Variants in HS3ST3B1 observed in about 807,000 individuals in gnomAD.
The protein encoded by HS3ST3B1 is heparan sulfate glucosamine 3-O-sulfotransferase 3B1.
A neutral mutation model predicts 21.3 loss-of-function variants in HS3ST3B1; 13 were observed. The observed-to-expected ratio is 0.61, with a 90% CI of 0.40 to 0.97. The LOEUF is 0.97. Ranked by LOEUF, HS3ST3B1 falls within the 50% of genes least tolerant of loss-of-function variation. The pLI is 0.00. For synonymous variants in HS3ST3B1, 234 were observed against 254.8 expected (o/e 0.92, Z 0.78); for missense variants, 459 against 554.8 (o/e 0.83, Z 1.73).
chr17:14,318,066 G>A (rs1005322), intron 1 of HS3ST3B1, among the ~76,000 whole-genome samples: 62,133 of 151,812 alleles, frequency 0.41, 13,432 homozygotes, highest in Non-Finnish European at 0.49. Context: ...TTGCCCCTGC[G>A]GAATCCACAC....
At chr17:14,322,819 A>C (rs933118314) in intron 1 of HS3ST3B1, among the ~76,000 whole-genome samples, 1 of 151,456 alleles carries the variant, frequency 6.6e-6, no homozygotes, top group African/African-American at 2.4e-5. Flanking sequence ...GGGCTGTGCC[A>C]AGGCTCTTAA....
chr17:14,304,677 C>A, intron 1 of HS3ST3B1: 1 of 152,300 alleles, frequency 6.6e-6, no homozygotes. Context: ...TCCATTGTAC[C>A]TCCGCTCTGT....
Position 14,345,835 on chromosome 17 carries a change from C to A in HS3ST3B1, c.*189C>A. ...TCTGTTAACATTCCAAAGTGTTTAA[C>A]TCTAGTATTTCGTTCTCTTCTTCAC... On this transcript the variant is annotated 3_prime_UTR_variant, in exon 2 of 2. Transcript: ENST00000360954. 1.4e-6 allele frequency: 1 copy of A among 738,272 alleles called. No individual in the cohort carries two copies. The highest frequency in any genetic ancestry group is 2.1e-6 in the Non-Finnish European group (1 of 485,490). 45.7% of individuals were successfully genotyped at this position (738,272 alleles called of 1,614,324 possible). A position where few individuals can be genotyped will look rare whatever the true frequency, so the allele number is the denominator to read the frequency against.
At chr17:14,309,257 C>T (rs919307260) in intron 1 of HS3ST3B1, among the ~76,000 whole-genome samples, 25 of 152,204 alleles carry the variant, frequency 1.6e-4, no homozygotes, top group African/African-American at 5.5e-4. Context: ...GCCTCTGGCC[C>T]GGGGGCCGCT....
chr17:14,314,333 G>A (rs1000641151), intron 1 of HS3ST3B1, among the ~76,000 whole-genome samples: 8 of 152,182 alleles, frequency 5.3e-5, no homozygotes, highest in Non-Finnish European at 8.8e-5. Flanking sequence ...GTACAAATCA[G>A]AAGTGCACAG....
chr17:14,337,326 G>A (rs2001166), intron 1 of HS3ST3B1, among the ~76,000 whole-genome samples: 44,834 of 149,222 alleles, frequency 0.3, 7,077 homozygotes, highest in Middle Eastern at 0.34. Flanking sequence ...ATCTTATCCT[G>A]ATTGGATTTT....
Position 14,318,166 on chromosome 17 carries a change from A to G in HS3ST3B1, c.554+16094A>G, listed in dbSNP as rs566612031. On this transcript the variant is annotated intron_variant, in intron 1 of 1. Transcript: ENST00000360954. ...TTGAAGTACTGAGGGAAAGAGAGCC[A>G]TTCTTCTCCAACTCCCCGCTCGGCT... Among the ~76,000 whole-genome samples the G allele has an allele frequency of 5.9e-5, 9 of 152,144 alleles. No homozygotes were observed. In the East Asian group the frequency reaches 1.6e-3, roughly 26 times the overall value.
In HS3ST3B1 at chr17:14,329,663, A is replaced by C. The variant is rs1909944742; in HGVS notation, c.555-15365A>C. On this transcript the variant is annotated intron_variant, in intron 1 of 1. Transcript: ENST00000360954. ...ATTCATTCAGTGATGTCAACCCCAGAAGGAGACTCAGTTTTTCTTTGTCTC... is the reference window on the plus strand; with the variant it reads ...ATTCATTCAGTGATGTCAACCCCAGCAGGAGACTCAGTTTTTCTTTGTCTC... 2.0e-5 allele frequency among the ~76,000 whole-genome samples: 3 copies of C among 152,354 alleles called. No individual in the cohort carries two copies. The East Asian group carries it at 5.8e-4, about 29-fold the overall frequency.
Position 14,301,468 on chromosome 17 carries a change from G to A in HS3ST3B1, c.-51G>A. On this transcript the variant is annotated 5_prime_UTR_variant, in exon 1 of 2. Transcript: ENST00000360954. ...CCTCTCTGCGCTCACTGCCCGGCGG[G>A]ACCCACGCCATGTGCTGAGCCATGT... is the stretch of plus-strand genomic sequence containing the variant. 11 of 1,386,614 alleles carry A rather than the reference G, an allele frequency of 7.9e-6. No homozygotes were observed. The highest frequency in any genetic ancestry group is 8.4e-6 in the Non-Finnish European group (9 of 1,071,676). 85.9% of individuals were successfully genotyped at this position (1,386,614 alleles called of 1,614,324 possible).
intron 1 of HS3ST3B1, among the ~76,000 whole-genome samples, chr17:14,334,937 A>G (rs148476684): frequency 8.0e-4 from 122 of 152,254 alleles, no homozygotes; most frequent in Admixed American, 2.7e-3. Context: ...GACTGTGTAG[A>G]TGCTGGGAAC....
chr17:14,317,519 C>T (rs935219593), intron 1 of HS3ST3B1, among the ~76,000 whole-genome samples: 1 of 152,118 alleles, frequency 6.6e-6, no homozygotes, highest in Non-Finnish European at 1.5e-5. Context: ...GAAAGAGGCC[C>T]AGAGAAAAAG....
At chr17:14,332,148 CT>C (rs1041272891) in intron 1 of HS3ST3B1, among the ~76,000 whole-genome samples, 1 of 152,066 alleles carries the variant, frequency 6.6e-6, no homozygotes, top group African/African-American at 2.4e-5. Flanking sequence ...TAACCTTTGT[CT>C]TTTTGACCCC....
rs545414325 is a variant in HS3ST3B1, at chr17:14,301,732, C to T, written c.214C>T (p.His72Tyr). 6.3e-7 allele frequency: 1 copy of T among 1,597,764 alleles called. No individual in the cohort carries two copies. Among genetic ancestry groups the T allele is most frequent in the Non-Finnish European group, 8.5e-7 (1 of 1,174,138 alleles). ...LLLGSGSRAA[H>Y]DPPALATAPD... ...CCTGGGCTCTGGGTCCCGCGCCGCA[C>T]ACGACCCGCCAGCCCTGGCCACAGC... Residue 72 changes from histidine (H) to tyrosine (Y), a missense_variant, in exon 1 of 2, where the codon CAC (histidine) becomes TAC (tyrosine). By Grantham distance (83) the His-to-Tyr change is moderately conservative. This residue lies in a region of HS3ST3B1 where 317 missense variants were observed against 278.6 expected (regional missense o/e 1.14). Coordinates refer to ENST00000360954, the MANE Select transcript of HS3ST3B1 (RefSeq NM_006041.3).
At chr17:14,313,550 C>T (rs1909400450) in intron 1 of HS3ST3B1, among the ~76,000 whole-genome samples, 1 of 152,158 alleles carries the variant, frequency 6.6e-6, no homozygotes, top group African/African-American at 2.4e-5. Flanking sequence ...TTTATACCTT[C>T]CCCAAGACTT....
intron 1 of HS3ST3B1, among the ~76,000 whole-genome samples, chr17:14,313,593 G>A (rs769063949): frequency 1.4e-4 from 21 of 151,744 alleles, no homozygotes; most frequent in Admixed American, 6.6e-4. Flanking sequence ...TTTTTGAGAC[G>A]AAGTTTCGCT....
rs538216466 is a variant in HS3ST3B1, at chr17:14,314,305, A to G, written c.554+12233A>G. ...GGGTTTCTTATTTAAATTTTTATTT[A>G]CATACTTATAGAAAAGTGTACAAAT... is the stretch of plus-strand genomic sequence containing the variant. On this transcript the variant is annotated intron_variant, in intron 1 of 1. Transcript: ENST00000360954. 6.2e-4 allele frequency among the ~76,000 whole-genome samples: 95 copies of G among 152,334 alleles called. No homozygotes were observed. In the South Asian group the frequency reaches 7.0e-3, roughly 11 times the overall value.
At chr17:14,344,223 T>C (rs1424868750) in intron 1 of HS3ST3B1, among the ~76,000 whole-genome samples, 1 of 152,180 alleles carries the variant, frequency 6.6e-6, no homozygotes, top group East Asian at 1.9e-4. Flanking sequence ...ATTATTATCG[T>C]TGTTGTTGTT....
chr17:14,317,672 C>T (rs138640887), intron 1 of HS3ST3B1, among the ~76,000 whole-genome samples: 5 of 152,098 alleles, frequency 3.3e-5, no homozygotes, highest in East Asian at 1.9e-4. Context: ...TTGGGCAAAA[C>T]GGTGAAACAG....
At chr17:14,321,283 G>A (rs1909650690) in intron 1 of HS3ST3B1, among the ~76,000 whole-genome samples, 1 of 152,204 alleles carries the variant, frequency 6.6e-6, no homozygotes, top group African/African-American at 2.4e-5. Flanking sequence ...AGAAGAGGAG[G>A]CAGCCTATTG....
Sources: allele counts gnomAD v4.1 joint callset (sites outside exome capture counted in the v4.1 genomes callset), GRCh38; gene constraint gnomAD v4.1.1; regional missense constraint gnomAD v4.1.1; transcripts MANE v1.5; gene names NCBI Gene and HGNC (gene_info 2026-07-23, HGNC 2026-07-21).